The following DPP6 variants were observed in gnomAD, a reference collection of about 807,000 sequenced individuals.
DPP6 encodes the protein dipeptidyl peptidase like 6.
DPP6 carries 69 observed loss-of-function variants against 122.6 expected under a neutral mutation model. The observed-to-expected ratio is 0.56, with a 90% confidence interval of 0.46 to 0.69. The LOEUF (loss-of-function observed/expected upper bound fraction) is 0.69. Ranked by LOEUF, DPP6 falls within the 30% of genes least tolerant of loss-of-function variation. DPP6 has a pLI of 0.00. For missense variants in DPP6, 928 were observed against 1,116.9 expected (o/e 0.83, Z 2.41); for synonymous variants, 418 against 433.1 (o/e 0.97, Z 0.43).
chr7:154,713,726 C>T (rs1286642708), intron 7 of DPP6, among the ~76,000 whole-genome samples: 3 of 152,204 alleles, frequency 2.0e-5, no homozygotes, highest in Non-Finnish European at 2.9e-5. Context: ...ACTATTTTTC[C>T]CTCCTAGGTC....
intron 7 of DPP6, among the ~76,000 whole-genome samples, chr7:154,684,101 C>G (rs1269008767): frequency 1.3e-5 from 2 of 152,124 alleles, no homozygotes; most frequent in African/African-American, 4.8e-5. Context: ...AACTCCTGCA[C>G]TAAGCAATCC....
At chr7:153,989,523 C>T (rs1797044831) in intron 1 of DPP6, among the ~76,000 whole-genome samples, 1 of 151,780 alleles carries the variant, frequency 6.6e-6, no homozygotes, top group Non-Finnish European at 1.5e-5. Context: ...TTCACCTTGC[C>T]AAGGTATGCC....
At chr7:153,966,585 T>A (rs1453487147) in intron 1 of DPP6, among the ~76,000 whole-genome samples, 3 of 16,186 alleles carry the variant, frequency 1.9e-4, no homozygotes, top group Non-Finnish European at 3.5e-4. Flanking sequence ...TTTTTTTTTT[T>A]TTACTGCATA....
At chr7:154,719,617 G>A (rs1453599478) in intron 7 of DPP6, among the ~76,000 whole-genome samples, 2 of 152,158 alleles carry the variant, frequency 1.3e-5, no homozygotes, top group Non-Finnish European at 2.9e-5. Flanking sequence ...AGAGGCTACT[G>A]AATATTTGTA....
At chr7:154,105,887 C>G (rs912329015) in intron 1 of DPP6, among the ~76,000 whole-genome samples, 2 of 151,148 alleles carry the variant, frequency 1.3e-5, no homozygotes, top group Non-Finnish European at 2.9e-5. Flanking sequence ...AGCATGAGAA[C>G]AGACTGATGC....
chr7:153,978,525 T>A (rs1796424007), intron 1 of DPP6, among the ~76,000 whole-genome samples: 1 of 152,090 alleles, frequency 6.6e-6, no homozygotes, highest in African/African-American at 2.4e-5. Context: ...TGTTTTGCTT[T>A]GTTTTGTTTT....
At chr7:154,073,560 C>T (rs1803283294) in intron 1 of DPP6, among the ~76,000 whole-genome samples, 1 of 152,224 alleles carries the variant, frequency 6.6e-6, no homozygotes, top group African/African-American at 2.4e-5. Context: ...CTATACTTAC[C>T]TTTACACAAG....
chr7:154,780,135 AG>A (rs1435754986), intron 10 of DPP6, among the ~76,000 whole-genome samples: 1 of 152,196 alleles, frequency 6.6e-6, no homozygotes, highest in Non-Finnish European at 1.5e-5. Context: ...AGACCAGGGC[AG>A]GGTCTTTGTT....
At chr7:154,126,483 C>G (rs537929880) in intron 1 of DPP6, among the ~76,000 whole-genome samples, 2 of 151,552 alleles carry the variant, frequency 1.3e-5, no homozygotes, top group Admixed American at 6.6e-5. Flanking sequence ...ATTTGGTGGT[C>G]GTTTTTCCTT....
chr7:154,277,562 G>T (rs773186403), intron 1 of DPP6, among the ~76,000 whole-genome samples: 4 of 152,144 alleles, frequency 2.6e-5, no homozygotes, highest in Non-Finnish European at 4.4e-5. Flanking sequence ...TCAGGAGTTC[G>T]AGACCAGCCT....
chr7:154,096,643 A>G (rs1161031991), intron 1 of DPP6, among the ~76,000 whole-genome samples: 1 of 152,224 alleles, frequency 6.6e-6, no homozygotes, highest in African/African-American at 2.4e-5. Flanking sequence ...GAAAATCTCT[A>G]TATTACAACA....
chr7:153,972,932 A>G (rs1290707815), intron 1 of DPP6, among the ~76,000 whole-genome samples: 1 of 151,960 alleles, frequency 6.6e-6, no homozygotes, highest in Non-Finnish European at 1.5e-5. Context: ...AAGAGGGAGG[A>G]CTATAAATCT....
chr7:154,221,558 T>C (rs540272362), intron 1 of DPP6, among the ~76,000 whole-genome samples: 1 of 152,348 alleles, frequency 6.6e-6, no homozygotes, highest in South Asian at 2.1e-4. Flanking sequence ...CTTCCTTTAT[T>C]ACTTCTGTTA....
At chr7:153,770,063 G>T in the DPP6 span, among the ~76,000 whole-genome samples, 1 of 152,260 alleles carries the variant, frequency 6.6e-6, no homozygotes, top group Admixed American at 6.5e-5. Flanking sequence ...CTTTCTCAAA[G>T]ATGCTGCCTG....
rs544074574 is a variant in DPP6 at position 154,764,717 on chromosome 7, C to A, written c.884-4700C>A. Among the ~76,000 whole-genome samples the A allele has an allele frequency of 2.0e-5, 3 of 152,256 alleles. No homozygotes were observed. In the East Asian group the frequency reaches 5.8e-4, roughly 29 times the overall value. ...TTCTGGTTTCTACCTTGCCCACTTT[C>A]CCCGAGTTGCAAGTTGCAGTTCTCC... On this transcript the variant is annotated intron_variant, in intron 8 of 25. Transcript: ENST00000377770.
intron 1 of DPP6, among the ~76,000 whole-genome samples, chr7:154,279,773 G>A (rs962394923): frequency 1.3e-5 from 2 of 152,120 alleles, no homozygotes; most frequent in Non-Finnish European, 2.9e-5. Context: ...GGCAGTTCCC[G>A]TGATTTTGTC....
At chr7:154,890,196 A>C (rs1425728567) in intron 25 of DPP6, 1 of 152,786 alleles carries the variant, frequency 6.5e-6, no homozygotes, top group Non-Finnish European at 1.5e-5. Flanking sequence ...TGGAACAGGT[A>C]TGACCCAATG....
intron 6 of DPP6, among the ~76,000 whole-genome samples, chr7:154,651,312 C>T (rs562883242): frequency 1.2e-4 from 18 of 152,178 alleles, no homozygotes; most frequent in Non-Finnish European, 2.1e-4. Flanking sequence ...CCTTTGTGCT[C>T]CTATTAGACT....
chr7:154,157,322 G>A (rs1213601381), intron 1 of DPP6, among the ~76,000 whole-genome samples: 4 of 152,230 alleles, frequency 2.6e-5, no homozygotes, highest in Admixed American at 2.6e-4. Context: ...TGGAAAGCCA[G>A]GAGCCCGGCA....
Sources: allele counts gnomAD v4.1 joint callset (sites outside exome capture counted in the v4.1 genomes callset), GRCh38; gene constraint gnomAD v4.1.1; transcripts MANE v1.5; gene names NCBI Gene and HGNC (gene_info 2026-07-23, HGNC 2026-07-21).